CHD2: variants seen among roughly 807,000 people sequenced by gnomAD.
The protein encoded by CHD2 is chromodomain helicase DNA binding protein 2.
CHD2 carries 28 observed loss-of-function variants against 243.9 expected under a neutral mutation model. The ratio of observed to expected loss-of-function variants is 0.11; its 90% CI spans 0.09 to 0.16. The LOEUF is 0.16. Ranked by LOEUF, CHD2 falls within the 10% of genes least tolerant of loss-of-function variation. The pLI, the probability that CHD2 is intolerant of heterozygous loss-of-function variation, is 1.00. For missense variants in CHD2, 1,386 were observed against 2,209.8 expected, an observed-to-expected ratio of 0.63 and a Z score of 7.47; for synonymous variants, 775 against 779.0, an observed-to-expected ratio of 0.99 and a Z score of 0.09.
chr15:93,012,297 G>A lies in CHD2; in HGVS notation c.4593-48G>A, dbSNP rs1468749619. 5.4e-6 allele frequency: 7 copies of A among 1,306,324 alleles called. 1 individual carries two copies. The highest frequency in any genetic ancestry group is 2.4e-4 in the Middle Eastern group (1 of 4,082). 80.9% of individuals were successfully genotyped at this position (1,306,324 alleles called of 1,614,324 possible). A position where few individuals can be genotyped will look rare whatever the true frequency, so the allele number is the denominator to read the frequency against. On this transcript the variant is annotated intron_variant, in intron 35 of 38. Transcript: ENST00000394196. ...CCATCCATGAAGATCATAAAAAATT[G>A]CTTTTCTAATTCTATAATTCACCAG...
intron 2 of CHD2, among the ~76,000 whole-genome samples, chr15:92,903,890 C>A (rs1381509206): frequency 6.6e-6 from 1 of 152,290 alleles, no homozygotes; most frequent in Middle Eastern, 3.4e-3. Context: ...CTACAATTTT[C>A]AGGGGCGCTT....
chr15:93,006,492 G>A (rs2054324057), intron 34 of CHD2, among the ~76,000 whole-genome samples: 1 of 152,118 alleles, frequency 6.6e-6, no homozygotes, highest in Admixed American at 6.5e-5. Flanking sequence ...TTAACGTGTG[G>A]TTCTAGAGTT....
At chr15:92,977,844 G>A (rs1009981093) in intron 20 of CHD2, among the ~76,000 whole-genome samples, 5 of 152,096 alleles carry the variant, frequency 3.3e-5, no homozygotes, top group Non-Finnish European at 7.4e-5. Context: ...TGACTTACAT[G>A]GCATAATCTA....
intron 26 of CHD2, 56 bp from the exon 27 acceptor site, chr15:92,991,420 A>G (rs1158760658): frequency 1.0e-5 from 14 of 1,334,700 alleles, no homozygotes; most frequent in Non-Finnish European, 1.3e-5. Flanking sequence ...GCTAGCATCA[A>G]CATAACTAAA....
chr15:92,919,758 C>T (rs551821903), intron 2 of CHD2, among the ~76,000 whole-genome samples: 2 of 152,062 alleles, frequency 1.3e-5, no homozygotes, highest in Admixed American at 6.5e-5. Flanking sequence ...ATGTACTTGC[C>T]GCCCTTGGTT....
intron 26 of CHD2, among the ~76,000 whole-genome samples, chr15:92,989,714 T>C (rs2054092067): frequency 6.6e-6 from 1 of 152,206 alleles, no homozygotes. Context: ...TTTCAGTTCC[T>C]GCTTGCACAG....
At chr15:92,975,849 G>A (rs2053900259) in intron 20 of CHD2, among the ~76,000 whole-genome samples, 1 of 58,506 alleles carries the variant, frequency 1.7e-5, no homozygotes, top group African/African-American at 3.6e-5. Context: ...GGGGCTTGGG[G>A]CATTAATCTA....
intron 26 of CHD2, among the ~76,000 whole-genome samples, chr15:92,987,462 G>C (rs991485398): frequency 2.0e-5 from 3 of 151,922 alleles, no homozygotes; most frequent in Non-Finnish European, 4.4e-5. Context: ...TTAGCCAGGT[G>C]TGGTGGTACA....
chr15:92,996,917 C>G (rs2054196149), intron 28 of CHD2, 40 bp from the exon 29 acceptor site: 1 of 1,580,852 alleles, frequency 6.3e-7, no homozygotes, highest in Non-Finnish European at 8.6e-7. Flanking sequence ...GGAACTTCTG[C>G]AGATTTTCAT....
At chr15:93,004,229 T>G (rs1008778956) in intron 33 of CHD2, among the ~76,000 whole-genome samples, 1 of 152,176 alleles carries the variant, frequency 6.6e-6, no homozygotes, top group Non-Finnish European at 1.5e-5. Flanking sequence ...AATAATGTAG[T>G]TAATACAGAT....
At chr15:92,948,699 G>T (rs920117813) in intron 12 of CHD2, among the ~76,000 whole-genome samples, 1 of 152,108 alleles carries the variant, frequency 6.6e-6, no homozygotes, top group African/African-American at 2.4e-5. Flanking sequence ...GGCGTGGGTG[G>T]TGGCGGGCGC....
chr15:93,000,717 C>A, intron 32 of CHD2, 77 bp downstream of exon 32: 1 of 1,453,862 alleles, frequency 6.9e-7, no homozygotes, highest in Non-Finnish European at 9.3e-7. Flanking sequence ...ATAAAATCAT[C>A]TGAAATGTGT....
intron 20 of CHD2, among the ~76,000 whole-genome samples, chr15:92,977,086 T>G (rs2053920373): frequency 6.6e-6 from 1 of 152,146 alleles, no homozygotes; most frequent in Non-Finnish European, 1.5e-5. Context: ...TATAGCAGAT[T>G]GTTGGTTGAT....
chr15:92,972,175 G>C (rs1338725877), intron 18 of CHD2, 90 bp from the exon 19 acceptor site: 1 of 1,410,992 alleles, frequency 7.1e-7, no homozygotes, highest in African/African-American at 1.5e-5. Flanking sequence ...AAAGCTTTAA[G>C]ATGATTTTTA....
intron 34 of CHD2, 137 bp from the exon 35 acceptor site, chr15:93,009,008 A>G: frequency 1.1e-6 from 1 of 934,102 alleles, no homozygotes; most frequent in South Asian, 1.7e-5. Flanking sequence ...ACTCCACTGC[A>G]CTAGCTTTAC....
chr15:92,955,334 G>T, intron 14 of CHD2, 89 bp from the exon 15 acceptor site: 1 of 693,464 alleles, frequency 1.4e-6, no homozygotes, highest in Non-Finnish European at 2.2e-6. Flanking sequence ...TTTTTATTTG[G>T]CATGTTTCTA....
In CHD2 at chr15:92,974,958, A is replaced by T. The variant is rs867398061; in HGVS notation, c.2577+8A>T. On this transcript the variant is annotated splice_region_variant and intron_variant, in intron 20 of 38. Transcript: ENST00000394196. ...AATGCAGATGGGTCTGAGGTATACTATGCATGGCTTTGTTATTTGAGCAAC... is the reference window on the plus strand; with the variant it reads ...AATGCAGATGGGTCTGAGGTATACTTTGCATGGCTTTGTTATTTGAGCAAC... The T allele has an allele frequency of 6.2e-7, 1 of 1,612,096 alleles. No homozygotes were observed. Among genetic ancestry groups the T allele is most frequent in the Non-Finnish European group, 8.5e-7 (1 of 1,178,544 alleles).
chr15:92,980,919 A>C lies in CHD2; in HGVS notation c.2973+8A>C. ...GAGGAATCAGAACCTCAGGTAATTA[A>C]CAATGAGGAGAGGGAAATTTTTTTG... On this transcript the variant is annotated splice_region_variant and intron_variant, in intron 23 of 38. Transcript: ENST00000394196. 2 of 1,598,240 alleles carry C rather than the reference A, an allele frequency of 1.3e-6. No homozygotes were observed. Among genetic ancestry groups the C allele is most frequent in the South Asian group, 2.2e-5 (2 of 90,402 alleles).
At chr15:92,963,544 T>C (rs1403820590) in intron 16 of CHD2, among the ~76,000 whole-genome samples, 1 of 152,226 alleles carries the variant, frequency 6.6e-6, no homozygotes, top group African/African-American at 2.4e-5. Context: ...AAAAAATATA[T>C]ACTATCTTTC....
Sources: gnomAD v4.1 joint callset for allele counts (sites outside exome capture counted in the v4.1 genomes callset) on GRCh38, gnomAD v4.1.1 for gene constraint, MANE v1.5 for transcripts, NCBI Gene and HGNC (gene_info 2026-07-23, HGNC 2026-07-21) for gene names.